Variants in LPAR1 observed in about 807,000 individuals in gnomAD.
The protein encoded by LPAR1 is LPA receptor 1.
In LPAR1, 5 loss-of-function variants were observed where a neutral mutation model predicts 23.8. The observed-to-expected ratio is 0.21, with a 90% CI of 0.11 to 0.44. The LOEUF is 0.44. Among genes scored for constraint, LPAR1 ranks in the 20% least tolerant of loss-of-function variants. The pLI is 0.99. For synonymous variants in LPAR1, 160 were observed against 164.7 expected, an observed-to-expected ratio of 0.97 and a Z score of 0.22; for missense variants, 311 against 482.8, an observed-to-expected ratio of 0.64 and a Z score of 3.33.
At chr9:110,919,818 CCAGA>C (rs1299906006) in intron 5 of LPAR1, among the ~76,000 whole-genome samples, 4 of 152,146 alleles carry the variant, frequency 2.6e-5, no homozygotes, top group Non-Finnish European at 5.9e-5. Flanking sequence ...AATGTTTAAC[CCAGA>C]CAGCCTGTAA....
chr9:110,960,454 G>A (rs1051054655), intron 4 of LPAR1, among the ~76,000 whole-genome samples: 4 of 152,158 alleles, frequency 2.6e-5, no homozygotes, highest in Non-Finnish European at 5.9e-5. Context: ...GGGCAAAGAG[G>A]AGGCTAATGG....
chr9:110,878,330 G>A (rs2079700027), intron 5 of LPAR1, among the ~76,000 whole-genome samples: 1 of 152,116 alleles, frequency 6.6e-6, no homozygotes, highest in Non-Finnish European at 1.5e-5. Flanking sequence ...ACCAAAAGAT[G>A]AGGATGCACT....
intron 5 of LPAR1, among the ~76,000 whole-genome samples, chr9:110,907,105 T>C (rs1456786486): frequency 6.6e-6 from 1 of 152,162 alleles, no homozygotes; most frequent in Non-Finnish European, 1.5e-5. Context: ...ATTATCACTT[T>C]AACAAAAGGG....
At chr9:111,005,908 T>G (rs2097210592) in intron 2 of LPAR1, among the ~76,000 whole-genome samples, 3 of 152,172 alleles carry the variant, frequency 2.0e-5, no homozygotes, top group Non-Finnish European at 4.4e-5. Context: ...TGCCATCACC[T>G]CTGTACCTTG....
chr9:110,926,778 C>G (rs770409444), intron 5 of LPAR1, among the ~76,000 whole-genome samples: 3 of 152,112 alleles, frequency 2.0e-5, no homozygotes, highest in East Asian at 1.9e-4. Flanking sequence ...AACTCACATG[C>G]CTGGGGCAAT....
At chr9:110,925,182 G>A (rs959117818) in intron 5 of LPAR1, among the ~76,000 whole-genome samples, 1 of 151,758 alleles carries the variant, frequency 6.6e-6, no homozygotes, top group Non-Finnish European at 1.5e-5. Context: ...CTTAGTGGAT[G>A]GCACCCCAAA....
intron 5 of LPAR1, among the ~76,000 whole-genome samples, chr9:110,930,169 G>A (rs552235700): frequency 6.6e-5 from 10 of 152,252 alleles, no homozygotes; most frequent in East Asian, 5.8e-4. Context: ...ACACATACAC[G>A]TCACTGTCAA....
chr9:110,884,592 G>A (rs990483214), intron 5 of LPAR1, among the ~76,000 whole-genome samples: 1 of 152,118 alleles, frequency 6.6e-6, no homozygotes, highest in Admixed American at 6.6e-5. Context: ...ACCAACCTAG[G>A]CCATTAACCA....
intron 5 of LPAR1, among the ~76,000 whole-genome samples, chr9:110,918,914 T>G (rs2093409298): frequency 1.3e-5 from 2 of 152,030 alleles, no homozygotes; most frequent in Non-Finnish European, 2.9e-5. Context: ...GTACTCAAAA[T>G]GGTACATCTA....
At chr9:110,969,541 G>A (rs187205435) in intron 4 of LPAR1, among the ~76,000 whole-genome samples, 275 of 151,926 alleles carry the variant, frequency 1.8e-3, no homozygotes, top group African/African-American at 2.5e-3. Context: ...GTGAAACCCC[G>A]TCTCTACTAA....
chr9:110,925,915 T>G lies in LPAR1; in HGVS notation c.793+15506A>C, dbSNP rs184840436. ...ACAATTAACATGTCATCAGAACTGG[T>G]TTTTTTTTGTTTTTTGTTTTTTTGA... On this transcript the variant is annotated intron_variant, in intron 5 of 5. Transcript: ENST00000683809. Among the ~76,000 whole-genome samples, 594 of 151,192 alleles carry G rather than the reference T, an allele frequency of 3.9e-3. 5 individuals carry two copies. Among genetic ancestry groups the G allele is most frequent in the African/African-American group, 0.013 (527 of 41,232 alleles).
intron 5 of LPAR1, among the ~76,000 whole-genome samples, chr9:110,887,481 A>G (rs2082726642): frequency 6.6e-6 from 1 of 152,188 alleles, no homozygotes; most frequent in Non-Finnish European, 1.5e-5. Flanking sequence ...ATTGATCTTT[A>G]GGAAGCACAG....
At chr9:110,914,784 G>A (rs563288752) in intron 5 of LPAR1, among the ~76,000 whole-genome samples, 1 of 147,934 alleles carries the variant, frequency 6.8e-6, no homozygotes, top group African/African-American at 2.7e-5. Flanking sequence ...AGACTCAAGG[G>A]GGGAAAAAAA....
intron 5 of LPAR1, among the ~76,000 whole-genome samples, chr9:110,929,773 CA>C (rs139998478): frequency 0.35 from 52,650 of 150,710 alleles, 10,468 homozygotes; most frequent in Non-Finnish European, 0.45. Flanking sequence ...ACAAGATACC[CA>C]GTTAAATTTT....
chr9:110,950,017 T>A (rs747366766), intron 4 of LPAR1, among the ~76,000 whole-genome samples: 4 of 152,196 alleles, frequency 2.6e-5, no homozygotes, highest in Non-Finnish European at 5.9e-5. Context: ...ATTCTGACAA[T>A]CTATAATTAG....
intron 2 of LPAR1, among the ~76,000 whole-genome samples, chr9:111,003,235 A>G (rs1418793714): frequency 2.0e-5 from 3 of 152,196 alleles, no homozygotes; most frequent in African/African-American, 7.2e-5. Context: ...TAAGTTTTAT[A>G]TAAAGTATTT....
intron 5 of LPAR1, among the ~76,000 whole-genome samples, chr9:110,892,703 G>GA (rs1345041232): frequency 3.7e-4 from 55 of 148,470 alleles, no homozygotes; most frequent in Non-Finnish European, 6.4e-4. Context: ...GAGGGGAAGG[G>GA]AAAGGAAGGG....
At chr9:110,976,450 A>C (rs2096557433) in intron 2 of LPAR1, among the ~76,000 whole-genome samples, 1 of 152,138 alleles carries the variant, frequency 6.6e-6, no homozygotes, top group Non-Finnish European at 1.5e-5. Flanking sequence ...AGTTGCAGTG[A>C]GCCGAGATTG....
At chr9:111,028,743 T>C (rs1712834255) in intron 2 of LPAR1, among the ~76,000 whole-genome samples, 1 of 152,168 alleles carries the variant, frequency 6.6e-6, no homozygotes, top group Non-Finnish European at 1.5e-5. Flanking sequence ...TACGAGTTTC[T>C]CAAAGCGTGG....
Sources: allele counts gnomAD v4.1 joint callset (sites outside exome capture counted in the v4.1 genomes callset), GRCh38; gene constraint gnomAD v4.1.1; transcripts MANE v1.5; gene names NCBI Gene and HGNC (gene_info 2026-07-23, HGNC 2026-07-21).